The following BDH1 variants were observed in gnomAD, a reference collection of about 807,000 sequenced individuals.
The protein encoded by BDH1 is D-beta-hydroxybutyrate dehydrogenase, mitochondrial.
A neutral mutation model predicts 33.1 loss-of-function variants in BDH1; 30 were observed. That is an observed-to-expected ratio of 0.91 (90% confidence interval 0.68 to 1.23). The LOEUF (loss-of-function observed/expected upper bound fraction) is 1.23. BDH1 is among the 50% of genes most tolerant of loss of function. The pLI is 0.00. For synonymous variants in BDH1, 190 were observed against 183.6 expected (o/e 1.03, Z -0.28); for missense variants, 443 against 464.4 (o/e 0.95, Z 0.42).
intron 1 of BDH1, among the ~76,000 whole-genome samples, chr3:197,561,972 G>C (rs566044911): frequency 1.1e-3 from 175 of 152,320 alleles, no homozygotes; most frequent in Non-Finnish European, 1.6e-3. Flanking sequence ...TCAGAACAAA[G>C]GGGCCACTCA....
rs141498037 is a variant in BDH1 at position 197,510,829 on chromosome 3, G to C, written c.*1066C>G. ...CTGCTCGTGCCAAGCCTGCCCCATC[G>C]ACACCGGCCCCACCCAAGGCAAAAC... On this transcript the variant is annotated 3_prime_UTR_variant, in exon 8 of 8. Coordinates refer to ENST00000392379, the MANE Select transcript of BDH1 (RefSeq NM_203314.3). 6.6e-6 allele frequency: 1 copy of C among 152,376 alleles called. No homozygotes were observed. The highest frequency in any genetic ancestry group is 1.5e-5 in the Non-Finnish European group (1 of 68,418). 9.4% of individuals were successfully genotyped at this position (152,376 alleles called of 1,614,324 possible).
At chr3:197,532,557 G>A (rs527716653) in intron 4 of BDH1, 35 bp from the exon 5 acceptor site, 135 of 1,531,536 alleles carry the variant, frequency 8.8e-5, no homozygotes, top group Non-Finnish European at 1.1e-4. Context: ...GTTAGGAACC[G>A]GTGGTACAGG....
Position 197,532,418 on chromosome 3 carries a change from C to G in BDH1, c.261G>C (p.Leu87Phe). The G allele has an allele frequency of 6.2e-7, 1 of 1,613,806 alleles. No individual in the cohort carries two copies. Among genetic ancestry groups the G allele is most frequent in the South Asian group, 1.1e-5 (1 of 91,078 alleles). Residue 87 changes from leucine to phenylalanine, a missense_variant, in exon 5 of 8, where the codon TTG becomes TTC. Transcript: ENST00000392379. ...AAGATAACTCGTCTCTTACCTTCATCAAGCAGCCAGCAAACACAAGGAAGC... is the reference window on the plus strand; with the variant it reads ...AAGATAACTCGTCTCTTACCTTCATGAAGCAGCCAGCAAACACAAGGAAGC... ...SKGFLVFAGCLMKDKGHDGVK... is the reference protein window; with the variant it reads ...SKGFLVFAGCFMKDKGHDGVK...
chr3:197,545,594 G>A (rs1431522658), intron 3 of BDH1, among the ~76,000 whole-genome samples: 1 of 152,212 alleles, frequency 6.6e-6, no homozygotes, highest in Non-Finnish European at 1.5e-5. Flanking sequence ...CGAGCCATGT[G>A]GGATTTGGGA....
In BDH1 at chr3:197,514,298, C is replaced by T. The variant is rs772922456; in HGVS notation, c.528G>A (p.Thr176=). 9.3e-6 allele frequency: 15 copies of T among 1,613,686 alleles called. No individual in the cohort carries two copies. The highest frequency in any genetic ancestry group is 2.2e-5 in the East Asian group (1 of 44,864). ...EVNLWGTVRM[T]KSFLPLIRRA... Reference sequence around the variant, plus strand: ...TTCGGATGAGGGGGAGAAAGGATTTCGTCATCCGCACTGTGCCCCAAAGGT... The same window carrying T: ...TTCGGATGAGGGGGAGAAAGGATTTTGTCATCCGCACTGTGCCCCAAAGGT... The change falls in exon 7 of 8, where the codon ACG becomes ACA. Residue 176 remains threonine, a synonymous_variant. Coordinates refer to ENST00000392379, the MANE Select transcript of BDH1 (RefSeq NM_203314.3). The surrounding 1 kb of genome is among the most constrained non-coding windows in gnomAD (Gnocchi z 4.2).
intron 5 of BDH1, among the ~76,000 whole-genome samples, chr3:197,524,915 A>C (rs1218295379): frequency 6.6e-6 from 1 of 152,160 alleles, no homozygotes; most frequent in Non-Finnish European, 1.5e-5. Flanking sequence ...TGGCCCTTTG[A>C]AAAGGCACTG....
chr3:197,517,185 CACCCCTCAGGCAG>C (rs918152755), intron 6 of BDH1, among the ~76,000 whole-genome samples: 3 of 151,928 alleles, frequency 2.0e-5, no homozygotes, highest in Admixed American at 2.0e-4. Context: ...GTCTTCACCC[CACCCCTCAGGCAG>C]ACCCATCAGT....
intron 6 of BDH1, among the ~76,000 whole-genome samples, chr3:197,515,006 T>A (rs7616998): frequency 3.0e-4 from 46 of 152,126 alleles, no homozygotes; most frequent in Non-Finnish European, 6.6e-4. Flanking sequence ...CCTCAGTGTT[T>A]GGTCTCCCGG....
At position 197,511,841 on chromosome 3, in the gene BDH1, T is replaced by C. The variant is rs1712049596; in HGVS notation, c.*54A>G. On this transcript the variant is annotated 3_prime_UTR_variant, in exon 8 of 8. Transcript: ENST00000392379. ...ATCAAGAGTTGACTATATGGGTTCC[T>C]CCCTCCCCTCCCCTTCCACCAGGGA... The C allele has an allele frequency of 6.7e-7, 1 of 1,489,660 alleles. No homozygotes were observed. The highest frequency in any genetic ancestry group is 9.0e-7 in the Non-Finnish European group (1 of 1,106,132). The allele number at this position is 1,489,660 out of a possible 1,614,324, so 92.3% of individuals were successfully genotyped here.
intron 1 of BDH1, among the ~76,000 whole-genome samples, chr3:197,566,690 T>A (rs1037793225): frequency 6.6e-6 from 1 of 152,212 alleles, no homozygotes; most frequent in Non-Finnish European, 1.5e-5. Context: ...AACATTATGA[T>A]TCAAAACTAT....
At chr3:197,571,116 T>A (rs1217359705) in intron 1 of BDH1, among the ~76,000 whole-genome samples, 1 of 152,260 alleles carries the variant, frequency 6.6e-6, no homozygotes, top group Non-Finnish European at 1.5e-5. Context: ...GATTTTGGAC[T>A]TTCATGGAAC....
Position 197,511,731 on chromosome 3 carries a change from A to G in BDH1, c.*164T>C. The G allele has an allele frequency of 1.5e-6, 1 of 669,986 alleles. No homozygotes were observed. The highest frequency in any genetic ancestry group is 2.4e-6 in the Non-Finnish European group (1 of 416,266). The allele number at this position is 669,986 out of a possible 1,614,324, so 41.5% of individuals were successfully genotyped here. ...CTGTTTGTGAAGGCCCAAGTCACTC[A>G]CTATGCAAAGAAGTCATTCCCTCTA... On this transcript the variant is annotated 3_prime_UTR_variant, in exon 8 of 8. Transcript: ENST00000392379.
chr3:197,533,490 G>C lies in BDH1; in HGVS notation c.155C>G (p.Pro52Arg). Residue 52 changes from proline to arginine, a missense_variant and splice_region_variant, in exon 4 of 8, where the codon CCG becomes CGG. Coordinates refer to ENST00000392379, the MANE Select transcript of BDH1 (RefSeq NM_203314.3). ...CCGGGTAGCTGGGCTTCCACTCACC[G>C]GCTCCGCCGCACTGGCATAAGTCCG... ...GRRTYASAAE[P>R]VGSKAVLVTG... 2 of 1,614,214 alleles carry C rather than the reference G, an allele frequency of 1.2e-6. No homozygotes were observed. The highest frequency in any genetic ancestry group is 1.7e-6 in the Non-Finnish European group (2 of 1,180,014).
At chr3:197,562,979 T>C (rs763618811) in intron 1 of BDH1, among the ~76,000 whole-genome samples, 1 of 152,222 alleles carries the variant, frequency 6.6e-6, no homozygotes, top group Admixed American at 6.5e-5. Flanking sequence ...CTTTCTGCCA[T>C]GCTTTAAGTC....
At chr3:197,515,296 G>C (rs1712576486) in intron 6 of BDH1, 1 of 985,508 alleles carries the variant, frequency 1.0e-6, no homozygotes, top group African/African-American at 1.7e-5. Context: ...GAGTGTCCAT[G>C]AAGAGCTCAC....
intron 5 of BDH1, among the ~76,000 whole-genome samples, chr3:197,524,774 G>A (rs557400758): frequency 7.9e-5 from 12 of 152,178 alleles, no homozygotes; most frequent in Non-Finnish European, 1.8e-4. Flanking sequence ...GATGGGGTGT[G>A]GGAAAGGTGG....
chr3:197,566,374 T>C (rs949919415), intron 1 of BDH1, among the ~76,000 whole-genome samples: 1 of 152,224 alleles, frequency 6.6e-6, no homozygotes, highest in Non-Finnish European at 1.5e-5. Context: ...TGATGTGTCA[T>C]AAGTAAAGAA....
At position 197,512,246 on chromosome 3, in the gene BDH1, G is replaced by C; in HGVS notation, c.681C>G (p.Tyr227Ter). Residue 227 changes from tyrosine to a stop codon, truncating the protein, a stop_gained, in exon 8 of 8, where the codon TAC becomes TAG. Transcript: ENST00000392379. LOFTEE classifies it high-confidence loss of function. ...AFSDCLRYEM[Y>*]PLGVKVSVVE... The stretch of plus-strand genomic sequence containing the variant: ...CCACGCTGACCTTCACGCCCAGGGG[G>C]TACATCTCATAGCGCAGGCAGTCCG... The C allele has an allele frequency of 6.2e-7, 1 of 1,613,542 alleles. No homozygotes were observed. Among genetic ancestry groups the C allele is most frequent in the Non-Finnish European group, 8.5e-7 (1 of 1,180,034 alleles).
chr3:197,556,097 C>T (rs948844829), upstream of BDH1: 25 of 152,204 alleles, frequency 1.6e-4, no homozygotes, highest in African/African-American at 6.0e-4. Flanking sequence ...GCCCTGATCG[C>T]TAGGCTCCCG....
Sources: allele counts gnomAD v4.1 joint callset (sites outside exome capture counted in the v4.1 genomes callset), GRCh38; gene constraint gnomAD v4.1.1; non-coding constraint Gnocchi (gnomAD v3.1); transcripts MANE v1.5; gene names NCBI Gene and HGNC (gene_info 2026-07-23, HGNC 2026-07-21).